The following KDM8 variants were observed in gnomAD, a reference collection of about 807,000 sequenced individuals.
KDM8 encodes the protein lysine demethylase 8.
A neutral mutation model predicts 46.9 loss-of-function variants in KDM8; 35 were observed. The observed-to-expected ratio is 0.75, with a 90% CI of 0.57 to 0.99. The LOEUF (loss-of-function observed/expected upper bound fraction) is 0.99, where lower values mean the gene tolerates loss of function less well. Among genes scored for constraint, KDM8 ranks in the 50% least tolerant of loss-of-function variants. The probability of loss-of-function intolerance (pLI) is 0.00; values close to 1 mark genes in which losing one functional copy is unlikely to be tolerated. For missense variants in KDM8, 475 were observed against 537.0 expected (o/e 0.88, Z 1.14); for synonymous variants, 232 against 227.7 (o/e 1.02, Z -0.17).
At chr16:27,215,116 G>T (rs8054431) in intron 4 of KDM8, 108 bp downstream of exon 4, 508,577 of 1,320,648 alleles carry the variant, frequency 0.39, 100,695 homozygotes, top group African/African-American at 0.56. Flanking sequence ...GAGGAGCCAG[G>T]CTGTAAGTCT....
At chr16:27,204,251 A>G (rs2083406449) in intron 1 of KDM8, 1 of 1,410,744 alleles carries the variant, frequency 7.1e-7, no homozygotes, top group Admixed American at 3.4e-5. Context: ...GGACTTAACG[A>G]TGGGCATCGG....
At chr16:27,216,653 C>G (rs1004611324) in intron 5 of KDM8, among the ~76,000 whole-genome samples, 1 of 152,068 alleles carries the variant, frequency 6.6e-6, no homozygotes, top group Non-Finnish European at 1.5e-5. Flanking sequence ...GCTTCTCTGT[C>G]TCGATGGGGG....
intron 3 of KDM8, chr16:27,214,650 C>T (rs1011939593): frequency 1.4e-5 from 7 of 495,306 alleles, no homozygotes; most frequent in Admixed American, 6.4e-5. Flanking sequence ...CCAGACTTAC[C>T]GGCCCTGTCT....
chr16:27,203,798 G>C, intron 1 of KDM8, 162 bp downstream of exon 1: 1 of 369,196 alleles, frequency 2.7e-6, no homozygotes, highest in Non-Finnish European at 4.9e-6. Context: ...TGCCGCATGC[G>C]CTCTGAGAAT....
intron 2 of KDM8, chr16:27,211,285 A>T: frequency 7.0e-6 from 3 of 426,838 alleles, no homozygotes; most frequent in Admixed American, 2.9e-5. Flanking sequence ...CTGAAGTCTC[A>T]CCCAGGCGAG....
chr16:27,210,715 C>T lies in KDM8; in HGVS notation c.498+94C>T, dbSNP rs1043127401. 7.9e-6 allele frequency: 10 copies of T among 1,262,132 alleles called. No homozygotes were observed. In the Admixed American group the frequency reaches 8.3e-5, roughly 11 times the overall value. 78.2% of individuals were successfully genotyped at this position (1,262,132 alleles called of 1,614,324 possible). On this transcript the variant is annotated intron_variant, in intron 2 of 7. Transcript: ENST00000286096. Reference sequence around the variant, plus strand: ...TCATCTCTCCCCTGGGGTGAGGCCTCGTGGCCTGCAACCCCTCTGGTGGAA... The same window carrying T: ...TCATCTCTCCCCTGGGGTGAGGCCTTGTGGCCTGCAACCCCTCTGGTGGAA...
intron 1 of KDM8, among the ~76,000 whole-genome samples, chr16:27,209,503 A>G (rs2083459955): frequency 6.6e-6 from 1 of 152,250 alleles, no homozygotes; most frequent in South Asian, 2.1e-4. Context: ...CTGGGATTAC[A>G]GGCGTGAGCC....
intron 3 of KDM8, 114 bp from the exon 4 acceptor site, chr16:27,214,762 T>C (rs2083528179): frequency 8.4e-7 from 1 of 1,195,782 alleles, no homozygotes; most frequent in South Asian, 1.4e-5. Context: ...TGACAGTCCT[T>C]GTCTCTGCAC....
Position 27,221,106 on chromosome 16 carries a change from G to T in KDM8, c.*376G>T. ...TTGGCTACCTGATTCAAACCCGGCC[G>T]CGCTGTGCACCTGCTGGGTGACTTG... is the stretch of plus-strand genomic sequence containing the variant. On this transcript the variant is annotated 3_prime_UTR_variant, in exon 8 of 8. Transcript: ENST00000286096. The T allele has an allele frequency of 2.8e-6, 1 of 362,776 alleles. No individual in the cohort carries two copies. The highest frequency in any genetic ancestry group is 5.4e-6 in the Non-Finnish European group (1 of 185,844). 22.5% of individuals were successfully genotyped at this position (362,776 alleles called of 1,614,324 possible).
intron 1 of KDM8, among the ~76,000 whole-genome samples, chr16:27,205,047 T>C (rs1193831319): frequency 4.0e-5 from 6 of 151,850 alleles, no homozygotes; most frequent in African/African-American, 1.5e-4. Context: ...TAAAAATAAT[T>C]TGAGAGAATC....
At chr16:27,218,374 T>C (rs1483561912) in intron 5 of KDM8, among the ~76,000 whole-genome samples, 2 of 152,120 alleles carry the variant, frequency 1.3e-5, no homozygotes, top group African/African-American at 2.4e-5. Flanking sequence ...GTGTGGCATA[T>C]AACTCTGTCA....
intron 3 of KDM8, chr16:27,214,008 G>A: frequency 2.6e-6 from 1 of 379,812 alleles, no homozygotes; most frequent in African/African-American, 2.1e-5. Flanking sequence ...GGCAGTCCTA[G>A]AATGTTTCTG....
intron 2 of KDM8, among the ~76,000 whole-genome samples, chr16:27,212,674 T>C (rs2083498431): frequency 6.6e-6 from 1 of 152,138 alleles, no homozygotes; most frequent in African/African-American, 2.4e-5. Context: ...GCAGAGGTTG[T>C]AGTGAGCCGA....
chr16:27,213,620 G>C lies in KDM8; in HGVS notation c.534G>C (p.Val178=), dbSNP rs1195347684. 1.2e-6 allele frequency: 2 copies of C among 1,613,996 alleles called. No individual in the cohort carries two copies. Among genetic ancestry groups the C allele is most frequent in the African/African-American group, 2.7e-5 (2 of 74,908 alleles). Residue 178 remains valine, a synonymous_variant, in exon 3 of 8, where the codon GTG becomes GTC. Transcript: ENST00000286096. ...CGGACCATGGTTTGATTCCAGATGT[G>C]AAGTTAGAAAAAACAGTCCCCCGGC... ...ARADHGLIPD[V]KLEKTVPRLH...
At chr16:27,217,056 C>A (rs2083563490) in intron 5 of KDM8, among the ~76,000 whole-genome samples, 1 of 152,180 alleles carries the variant, frequency 6.6e-6, no homozygotes, top group Admixed American at 6.5e-5. Flanking sequence ...TAATGGAGGG[C>A]CGCCTGGGTG....
At chr16:27,218,229 C>T (rs1444906073) in intron 5 of KDM8, among the ~76,000 whole-genome samples, 1 of 151,982 alleles carries the variant, frequency 6.6e-6, no homozygotes, top group Non-Finnish European at 1.5e-5. Flanking sequence ...CTACAGTGAG[C>T]CATGATGGTA....
At chr16:27,218,607 C>T (rs549683914) in intron 5 of KDM8, among the ~76,000 whole-genome samples, 13 of 152,208 alleles carry the variant, frequency 8.5e-5, no homozygotes, top group African/African-American at 2.2e-4. Context: ...TTTGGGAGGC[C>T]GAGGCGGGTG....
intron 1 of KDM8, among the ~76,000 whole-genome samples, chr16:27,205,310 A>G (rs2083417434): frequency 6.6e-6 from 1 of 152,234 alleles, no homozygotes; most frequent in Non-Finnish European, 1.5e-5. Context: ...AGGTTAGCAC[A>G]TAACAGCCTA....
rs371188670 is a variant in KDM8, at chr16:27,204,440, A to G, written c.-32+804A>G. 67 of 1,097,522 alleles carry G rather than the reference A, an allele frequency of 6.1e-5. No individual in the cohort carries two copies. The East Asian group carries it at 7.0e-4, about 11-fold the overall frequency. 68.0% of individuals were successfully genotyped at this position (1,097,522 alleles called of 1,614,324 possible). ...TTAAAGCTTTCTGGAAAATGTTCCA[A>G]ACTTTCCTGGGAAGTTTTACGAAGC... is the stretch of plus-strand genomic sequence containing the variant. On this transcript the variant is annotated intron_variant, in intron 1 of 7. Transcript: ENST00000286096.
Sources: gnomAD v4.1 joint callset for allele counts (sites outside exome capture counted in the v4.1 genomes callset) on GRCh38, gnomAD v4.1.1 for gene constraint, MANE v1.5 for transcripts, NCBI Gene and HGNC (gene_info 2026-07-23, HGNC 2026-07-21) for gene names.